Variants in STYK1 observed in about 807,000 individuals in gnomAD.
STYK1 encodes the protein tyrosine-protein kinase STYK1.
In STYK1, 46 loss-of-function variants were observed where a neutral mutation model predicts 48.1. That is an observed-to-expected ratio of 0.96 (90% CI 0.75 to 1.22). The LOEUF is 1.22. Among genes scored for constraint, STYK1 ranks in the 50% most tolerant of loss-of-function variants. The pLI, the probability that STYK1 is intolerant of heterozygous loss-of-function variation, is 0.00. For missense variants in STYK1, 527 were observed against 521.1 expected, an observed-to-expected ratio of 1.01 and a Z score of -0.11; for synonymous variants, 188 against 189.0, an observed-to-expected ratio of 0.99 and a Z score of 0.04.
At chr12:10,670,093 C>G (rs978988871) in intron 1 of STYK1, among the ~76,000 whole-genome samples, 1 of 152,134 alleles carries the variant, frequency 6.6e-6, no homozygotes. Flanking sequence ...TAAAAGTAAA[C>G]TACTATATGA....
chr12:10,620,600 A>G (rs1376829317), intron 10 of STYK1, among the ~76,000 whole-genome samples: 1 of 152,340 alleles, frequency 6.6e-6, no homozygotes, highest in East Asian at 1.9e-4. Context: ...CTAGGGTATG[A>G]CAGGACAGTT....
At chr12:10,637,873 G>A (rs918703579) in intron 1 of STYK1, among the ~76,000 whole-genome samples, 4 of 152,152 alleles carry the variant, frequency 2.6e-5, no homozygotes, top group African/African-American at 9.7e-5. Context: ...ATGCCTTAAT[G>A]CCAAAAACCT....
intron 1 of STYK1, among the ~76,000 whole-genome samples, chr12:10,643,836 C>T (rs1171413336): frequency 6.6e-6 from 1 of 152,076 alleles, no homozygotes; most frequent in African/African-American, 2.4e-5. Flanking sequence ...GGAGAAAACA[C>T]GAAGAGATGG....
At chr12:10,654,307 C>A (rs1947694527) in intron 1 of STYK1, among the ~76,000 whole-genome samples, 1 of 152,216 alleles carries the variant, frequency 6.6e-6, no homozygotes, top group Non-Finnish European at 1.5e-5. Flanking sequence ...GCCCACACTG[C>A]TGCTCTGCCT....
At chr12:10,652,649 C>A (rs1036131785) in intron 1 of STYK1, among the ~76,000 whole-genome samples, 1 of 152,132 alleles carries the variant, frequency 6.6e-6, no homozygotes, top group Non-Finnish European at 1.5e-5. Flanking sequence ...CACAGACTTT[C>A]AAGCCAACTT....
chr12:10,643,952 T>C (rs754385584), intron 1 of STYK1, among the ~76,000 whole-genome samples: 9 of 125,020 alleles, frequency 7.2e-5, no homozygotes, highest in Non-Finnish European at 1.3e-4. Context: ...TAGAGTGACA[T>C]GGTCCATTTT....
At position 10,620,092 on chromosome 12, in the gene STYK1, A is replaced by T; in HGVS notation, c.*52T>A. 6.3e-7 allele frequency: 1 copy of T among 1,595,146 alleles called. No individual in the cohort carries two copies. The highest frequency in any genetic ancestry group is 8.6e-7 in the Non-Finnish European group (1 of 1,163,400). On this transcript the variant is annotated 3_prime_UTR_variant, in exon 11 of 11. Coordinates refer to ENST00000075503, the MANE Select transcript of STYK1 (RefSeq NM_018423.3). ...AAGACCATTCTCTGTTCTTAGAGGAATTGATTCCAAGAACATATACTCATG... is the reference window on the plus strand; with the variant it reads ...AAGACCATTCTCTGTTCTTAGAGGATTTGATTCCAAGAACATATACTCATG...
At chr12:10,657,993 AT>A (rs1215066928) in intron 1 of STYK1, among the ~76,000 whole-genome samples, 1 of 152,268 alleles carries the variant, frequency 6.6e-6, no homozygotes, top group Non-Finnish European at 1.5e-5. Flanking sequence ...AAGTTAAGTT[AT>A]CCTCACTTAA....
chr12:10,629,347 A>C, intron 6 of STYK1, 146 bp downstream of exon 6: 2 of 786,242 alleles, frequency 2.5e-6, no homozygotes, highest in Non-Finnish European at 4.0e-6. Context: ...AATTACAAAA[A>C]GTTCTATTAT....
intron 1 of STYK1, among the ~76,000 whole-genome samples, chr12:10,639,951 A>C (rs1947525883): frequency 6.6e-6 from 1 of 152,224 alleles, no homozygotes; most frequent in South Asian, 2.1e-4. Flanking sequence ...GATGAATTGA[A>C]TCTGCCTGTA....
intron 1 of STYK1, among the ~76,000 whole-genome samples, chr12:10,637,960 C>A (rs866997429): frequency 6.6e-6 from 1 of 152,194 alleles, no homozygotes; most frequent in East Asian, 1.9e-4. Context: ...GATTCCTGTT[C>A]AATCTGACCA....
chr12:10,620,306 G>A lies in STYK1; in HGVS notation c.1107C>T (p.Asp369=), dbSNP rs372370045. The change falls in exon 11 of 11, where the codon GAC becomes GAT. Residue 369 remains aspartate (D), a synonymous_variant. Transcript: ENST00000075503. ...MKSCWRWREA[D]RPSPRELRLR... ...AGCGCAGCTCTCTAGGTGAGGGGCG[G>A]TCAGCCTCACGCCAGCGCCAGCAGG... 6.8e-6 allele frequency: 11 copies of A among 1,613,724 alleles called. No homozygotes were observed. Among genetic ancestry groups the A allele is most frequent in the Non-Finnish European group, 9.3e-6 (11 of 1,180,032 alleles).
At chr12:10,668,458 C>A (rs1671804840) in intron 1 of STYK1, among the ~76,000 whole-genome samples, 1 of 151,350 alleles carries the variant, frequency 6.6e-6, no homozygotes, top group South Asian at 2.1e-4. Context: ...TCACTGCAAC[C>A]TCCGCCTCCC....
rs1307491868 is a variant in STYK1, at chr12:10,620,332, A to G, written c.1081T>C (p.Ser361Pro). 6.2e-7 allele frequency: 1 copy of G among 1,613,090 alleles called. No homozygotes were observed. The highest frequency in any genetic ancestry group is 1.7e-5 in the Admixed American group (1 of 60,028). ...CTHTMYSIMK[S>P]CWRWREADRP... ...TCAGCCTCACGCCAGCGCCAGCAGG[A>G]CTTCATGATACTGTACCTGAGAGGG... Residue 361 changes from serine to proline, a missense_variant, in exon 11 of 11, where the codon TCC (serine) becomes CCC (proline). Transcript: ENST00000075503.
rs567644430 is a variant in STYK1, at chr12:10,672,190, C to G, written c.-195+1776G>C. Among the ~76,000 whole-genome samples, 8 of 152,136 alleles carry G rather than the reference C, an allele frequency of 5.3e-5. No individual in the cohort carries two copies. Among genetic ancestry groups the G allele is most frequent in the Non-Finnish European group, 1.2e-4 (8 of 68,034 alleles). ...AACATGTTAGTTTTGGATAGCCAGC[C>G]TACTGAACTGTGAGAAAATCATTTC... On this transcript the variant is annotated intron_variant, in intron 1 of 10. Coordinates refer to ENST00000075503, the MANE Select transcript of STYK1 (RefSeq NM_018423.3). This position sits in a 1 kb window ranked among gnomAD's most constrained non-coding sequence, Gnocchi z 4.0.
intron 1 of STYK1, among the ~76,000 whole-genome samples, chr12:10,669,813 C>A (rs1947873396): frequency 6.6e-6 from 1 of 152,094 alleles, no homozygotes; most frequent in African/African-American, 2.4e-5. Context: ...TAAAAATGAA[C>A]AAAGGACCTG....
chr12:10,642,573 T>G (rs977730252), intron 1 of STYK1, among the ~76,000 whole-genome samples: 1 of 152,174 alleles, frequency 6.6e-6, no homozygotes, highest in African/African-American at 2.4e-5. Context: ...TAAACATGTA[T>G]AACCAAAAAT....
At chr12:10,651,181 C>A (rs2120741808) in intron 1 of STYK1, among the ~76,000 whole-genome samples, 1 of 152,272 alleles carries the variant, frequency 6.6e-6, no homozygotes, top group South Asian at 2.1e-4. Flanking sequence ...CTTGGTCCTG[C>A]ACTTTTCCTG....
chr12:10,660,420 TC>T (rs1473610080), intron 1 of STYK1, among the ~76,000 whole-genome samples: 1 of 152,146 alleles, frequency 6.6e-6, no homozygotes. Context: ...TGGATCGTCA[TC>T]CCTCTACAAC....
Sources: gnomAD v4.1 joint callset for allele counts (sites outside exome capture counted in the v4.1 genomes callset) on GRCh38, gnomAD v4.1.1 for gene constraint, Gnocchi (gnomAD v3.1) non-coding constraint, MANE v1.5 for transcripts, NCBI Gene and HGNC (gene_info 2026-07-23, HGNC 2026-07-21) for gene names.